THSD7A: variants seen among roughly 807,000 people sequenced by gnomAD.
THSD7A encodes the protein thrombospondin type-1 domain-containing protein 7A.
THSD7A carries 96 observed loss-of-function variants against 231.3 expected under a neutral mutation model. The ratio of observed to expected loss-of-function variants is 0.41; its 90% CI spans 0.35 to 0.49. THSD7A has a LOEUF of 0.49. Ranked by LOEUF, THSD7A falls within the 20% of genes least tolerant of loss-of-function variation. The pLI, the probability that THSD7A is intolerant of heterozygous loss-of-function variation, is 0.05. For missense variants in THSD7A, 2,290 were observed against 2,070.2 expected, an observed-to-expected ratio of 1.11 and a Z score of -2.06; for synonymous variants, 940 against 743.3, an observed-to-expected ratio of 1.26 and a Z score of -4.30.
At chr7:11,711,691 G>A (rs918978860) in intron 1 of THSD7A, among the ~76,000 whole-genome samples, 1 of 151,106 alleles carries the variant, frequency 6.6e-6, no homozygotes, top group African/African-American at 2.4e-5. Flanking sequence ...ACTTCCCAGT[G>A]AGAACTGGCA....
At chr7:11,386,494 T>C (rs577388684) in intron 23 of THSD7A, among the ~76,000 whole-genome samples, 1 of 152,350 alleles carries the variant, frequency 6.6e-6, no homozygotes, top group African/African-American at 2.4e-5. Context: ...TTCATGTTTG[T>C]TGGCTGCATA....
chr7:11,649,742 T>A (rs1213253442), intron 1 of THSD7A, among the ~76,000 whole-genome samples: 2 of 152,076 alleles, frequency 1.3e-5, no homozygotes, highest in Non-Finnish European at 2.9e-5. Flanking sequence ...TCACCTATAA[T>A]AATGTGGAAG....
rs61996272 is a variant in THSD7A at position 11,636,168 on chromosome 7, A to G, written c.984T>C (p.Val328=). Residue 328 remains valine, a synonymous_variant, in exon 2 of 28, where the codon GTT becomes GTC. Transcript: ENST00000423059. This position sits in a 1 kb window ranked among gnomAD's most constrained non-coding sequence, Gnocchi z 10.0. ...CTTTCCCCGTCTTGTTAATGCACAT[A>G]ACCTCTCTGGTCTGATATCCAATCT... The part of the protein sequence containing the change: ...DIQIGYQTRE[V]MCINKTGKAA... 3.3e-3 allele frequency: 5,358 copies of G among 1,613,674 alleles called. 162 individuals carry two copies. The African/African-American group carries it at 0.062, about 19-fold the overall frequency.
In THSD7A at chr7:11,813,489, G is replaced by A. The variant is rs529273101; in HGVS notation, c.190+18268C>T. On this transcript the variant is annotated intron_variant, in intron 1 of 27. Transcript: ENST00000423059. ...AGCACTTTCTGAGGCCAAGGCAGGC[G>A]GATCACGAGGTCAGGAGATCCAGAC... 3.4e-4 allele frequency among the ~76,000 whole-genome samples: 52 copies of A among 152,076 alleles called. 1 individual carries two copies. Among genetic ancestry groups the A allele is most frequent in the African/African-American group, 8.7e-4 (36 of 41,480 alleles).
intron 23 of THSD7A, chr7:11,384,232 ATTAAC>A (rs948989221): frequency 3.3e-5 from 5 of 151,868 alleles, no homozygotes; most frequent in African/African-American, 1.2e-4. Context: ...TTTTAAGACT[ATTAAC>A]TTGTTTTGGA....
At chr7:11,769,147 A>ATTTTTTTTTTTTTTTTTT (rs1562541356) in intron 1 of THSD7A, among the ~76,000 whole-genome samples, 1 of 35,636 alleles carries the variant, frequency 2.8e-5, no homozygotes, top group Non-Finnish European at 6.1e-5. Context: ...ATATATATAT[A>ATTTTTTTTTTTTTTTTTT]TATATATTTT....
intron 2 of THSD7A, among the ~76,000 whole-genome samples, chr7:11,600,662 C>T (rs923968073): frequency 3.3e-5 from 5 of 152,142 alleles, no homozygotes; most frequent in Admixed American, 6.5e-5. Context: ...ACAGGGAGCT[C>T]TCGCCATGAA....
At chr7:11,669,813 G>T (rs1293926668) in intron 1 of THSD7A, among the ~76,000 whole-genome samples, 1 of 151,964 alleles carries the variant, frequency 6.6e-6, no homozygotes, top group Non-Finnish European at 1.5e-5. Flanking sequence ...CATGCTCCCA[G>T]CCTACATATA....
chr7:11,826,783 G>C (rs958935945), intron 1 of THSD7A, among the ~76,000 whole-genome samples: 1 of 141,358 alleles, frequency 7.1e-6, no homozygotes, highest in Non-Finnish European at 1.5e-5. Context: ...CTGTACTCCA[G>C]CCTGGGCAAA....
chr7:11,736,698 A>G (rs1326680421), intron 1 of THSD7A, among the ~76,000 whole-genome samples: 2 of 152,026 alleles, frequency 1.3e-5, no homozygotes, highest in Admixed American at 6.6e-5. Context: ...CCTCCTGTAT[A>G]TAAGTGGAAA....
At chr7:11,713,539 A>G (rs1781033601) in intron 1 of THSD7A, among the ~76,000 whole-genome samples, 1 of 151,320 alleles carries the variant, frequency 6.6e-6, no homozygotes, top group Non-Finnish European at 1.5e-5. Flanking sequence ...TACACAGAAT[A>G]CAAGGAAATG....
At chr7:11,483,325 T>A (rs533240038) in intron 6 of THSD7A, among the ~76,000 whole-genome samples, 1 of 152,188 alleles carries the variant, frequency 6.6e-6, no homozygotes, top group African/African-American at 2.4e-5. Flanking sequence ...GAGACAAAAA[T>A]CAGAAGTCAA....
In THSD7A at chr7:11,637,536, A is replaced by G. The variant is rs1380843189; in HGVS notation, c.191-575T>C. On this transcript the variant is annotated intron_variant, in intron 1 of 27. Transcript: ENST00000423059. This position sits in a 1 kb window ranked among gnomAD's most constrained non-coding sequence, Gnocchi z 4.2. ...GTTCACTCTCTGGTTATCAAAACTA[A>G]GAAGCAAAAATCTTCATTTACACAC... 6.6e-6 allele frequency among the ~76,000 whole-genome samples: 1 copy of G among 150,772 alleles called. No individual in the cohort carries two copies. Among genetic ancestry groups the G allele is most frequent in the Admixed American group, 6.6e-5 (1 of 15,042 alleles).
At chr7:11,465,207 A>G (rs1455308207) in intron 9 of THSD7A, among the ~76,000 whole-genome samples, 1 of 152,182 alleles carries the variant, frequency 6.6e-6, no homozygotes, top group Non-Finnish European at 1.5e-5. Flanking sequence ...TCTCAACTGG[A>G]TTATTAGTTA....
chr7:11,688,863 G>T (rs1314638970), intron 1 of THSD7A, among the ~76,000 whole-genome samples: 1 of 151,668 alleles, frequency 6.6e-6, no homozygotes, highest in Non-Finnish European at 1.5e-5. Flanking sequence ...TAACCATTTG[G>T]GATTTGTAGT....
chr7:11,509,332 AT>A (rs1332088334), intron 6 of THSD7A, among the ~76,000 whole-genome samples: 2 of 152,190 alleles, frequency 1.3e-5, no homozygotes, highest in East Asian at 3.8e-4. Flanking sequence ...ACTGACTTAT[AT>A]AATATAAAGT....
intron 11 of THSD7A, among the ~76,000 whole-genome samples, chr7:11,456,444 TCTA>T (rs1239189525): frequency 2.6e-5 from 4 of 152,066 alleles, no homozygotes; most frequent in Non-Finnish European, 5.9e-5. Flanking sequence ...GTCTTTAAAA[TCTA>T]CTACTTTCAT....
chr7:11,618,780 G>A (rs1383135167), intron 2 of THSD7A, among the ~76,000 whole-genome samples: 1 of 149,552 alleles, frequency 6.7e-6, no homozygotes, highest in Non-Finnish European at 1.5e-5. Flanking sequence ...GACAGAGCGA[G>A]ACTCTGACTC....
In THSD7A at chr7:11,710,530, TGA is replaced by T. The variant is rs1429364221; in HGVS notation, c.191-73571_191-73570del. On this transcript the variant is annotated intron_variant, in intron 1 of 27. Coordinates refer to ENST00000423059, the MANE Select transcript of THSD7A (RefSeq NM_015204.3). ...CAAGGAAGTAGAGGCCAGAATTATTTGAGAGTAGCCATAAAAGCCAGGGTATA... is the reference window on the plus strand; with the variant it reads ...CAAGGAAGTAGAGGCCAGAATTATTTGAGTAGCCATAAAAGCCAGGGTATA... 7.3e-5 allele frequency among the ~76,000 whole-genome samples: 11 copies of T among 150,980 alleles called. No individual in the cohort carries two copies. The South Asian group carries it at 2.3e-3, about 31-fold the overall frequency.
Sources: gnomAD v4.1 joint callset for allele counts (sites outside exome capture counted in the v4.1 genomes callset) on GRCh38, gnomAD v4.1.1 for gene constraint, Gnocchi (gnomAD v3.1) non-coding constraint, MANE v1.5 for transcripts, NCBI Gene and HGNC (gene_info 2026-07-23, HGNC 2026-07-21) for gene names.